Variants in SLC12A6 observed in about 807,000 individuals in gnomAD.
SLC12A6 encodes the protein solute carrier family 12 member 6.
Under a neutral mutation model 135.3 loss-of-function variants are expected in SLC12A6, and 66 were observed. That is an observed-to-expected ratio of 0.49 (90% CI 0.40 to 0.60). SLC12A6 has a LOEUF of 0.60. Among genes scored for constraint, SLC12A6 ranks in the 20% least tolerant of loss-of-function variants. SLC12A6 has a pLI of 0.00. For synonymous variants in SLC12A6, 513 were observed against 508.8 expected, an observed-to-expected ratio of 1.01 and a Z score of -0.11; for missense variants, 1,058 against 1,452.3, an observed-to-expected ratio of 0.73 and a Z score of 4.41.
Position 34,260,923 on chromosome 15 carries a change from T to A in SLC12A6, c.411+3A>T. On this transcript the variant is annotated splice_donor_region_variant and intron_variant, in intron 4 of 25. Coordinates refer to ENST00000354181, the MANE Select transcript of SLC12A6 (RefSeq NM_001365088.1). The stretch of plus-strand genomic sequence containing the variant: ...CAGTCCATAGTTTTCTCCAAAATAT[T>A]ACCTCAAAGAGTGCCAAATTTTTAT... 1 of 1,193,148 alleles carries A rather than the reference T, an allele frequency of 8.4e-7. No homozygotes were observed. Among genetic ancestry groups the A allele is most frequent in the Non-Finnish European group, 1.3e-6 (1 of 795,792 alleles). 73.9% of individuals were successfully genotyped at this position (1,193,148 alleles called of 1,614,324 possible).
chr15:34,277,009 G>A (rs1223019353), intron 2 of SLC12A6, among the ~76,000 whole-genome samples: 1 of 150,034 alleles, frequency 6.7e-6, no homozygotes, highest in Admixed American at 6.6e-5. Flanking sequence ...TTATTTTCAG[G>A]GGATTTTTTT....
At position 34,235,191 on chromosome 15, in the gene SLC12A6, A is replaced by C. The variant is rs1203572173; in HGVS notation, c.3351T>G (p.Gly1117=). 1.9e-6 allele frequency: 3 copies of C among 1,613,768 alleles called. No homozygotes were observed. The highest frequency in any genetic ancestry group is 2.5e-6 in the Non-Finnish European group (3 of 1,179,862). Reference sequence around the variant, plus strand: ...TCTTGGAAAGGATACAGTTTTCATCACCCTCAGGGTTTCGGGGTGGCCCTG... The same window carrying C: ...TCTTGGAAAGGATACAGTTTTCATCCCCCTCAGGGTTTCGGGGTGGCCCTG... ...NMPGPPRNPE[G]DENYMEFLEV... is the part of the protein sequence containing the mutation. The change falls in exon 25 of 26, where the codon GGT becomes GGG. Residue 1117 remains glycine, a synonymous_variant. Transcript: ENST00000354181.
chr15:34,254,539 C>G lies in SLC12A6; in HGVS notation c.927G>C (p.Lys309Asn). ...TGTTATTTAGCATGGCTGCTGATTCCTTGAGTGCGTCATCACTGTGAAAGA... is the reference window on the plus strand; with the variant it reads ...TGTTATTTAGCATGGCTGCTGATTCGTTGAGTGCGTCATCACTGTGAAAGA... ...AAIFHSDDALKESAAMLNNMR... is the reference protein window; with the variant it reads ...AAIFHSDDALNESAAMLNNMR... The change falls in exon 9 of 26, where the codon AAG becomes AAC. Residue 309 changes from lysine (K) to asparagine (N), a missense_variant. Transcript: ENST00000354181. The G allele has an allele frequency of 6.2e-7, 1 of 1,610,716 alleles. No homozygotes were observed. The highest frequency in any genetic ancestry group is 1.1e-5 in the South Asian group (1 of 91,016).
At chr15:34,320,789 C>T (rs552960526) in intron 2 of SLC12A6, among the ~76,000 whole-genome samples, 4 of 143,176 alleles carry the variant, frequency 2.8e-5, no homozygotes, top group South Asian at 2.3e-4. Context: ...TGGTGGCGGG[C>T]GCCTGTAGTT....
Position 34,250,667 on chromosome 15 carries a change from C to T in SLC12A6, c.1555G>A (p.Gly519Ser), listed in dbSNP as rs756979365. 2 of 1,604,070 alleles carry T rather than the reference C, an allele frequency of 1.2e-6. No homozygotes were observed. The highest frequency in any genetic ancestry group is 1.7e-6 in the Non-Finnish European group (2 of 1,170,934). Residue 519 changes from glycine to serine, a missense_variant, in exon 12 of 26, where the codon GGT becomes AGT. This residue lies in a region of SLC12A6 where 297 missense variants were observed against 318.5 expected (regional missense o/e 0.93). Transcript: ENST00000354181. ...LKDAQKSIPI[G>S]TILAILTTSF... ...GTGGTCAGGATGGCAAGGATAGTACCAATCGGAATAGACTTCTGAGCATCT... is the reference window on the plus strand; with the variant it reads ...GTGGTCAGGATGGCAAGGATAGTACTAATCGGAATAGACTTCTGAGCATCT...
chr15:34,238,435 CT>C, intron 20 of SLC12A6, 34 bp from the exon 21 acceptor site: 2 of 1,561,080 alleles, frequency 1.3e-6, no homozygotes, highest in African/African-American at 1.4e-5. Context: ...GAGAAGAATC[CT>C]TAGGCTTGCC....
chr15:34,294,830 C>T (rs1473802996), intron 2 of SLC12A6, among the ~76,000 whole-genome samples: 1 of 151,568 alleles, frequency 6.6e-6, no homozygotes, highest in Non-Finnish European at 1.5e-5. Context: ...GCTAGGATTA[C>T]AGGCATGAGC....
At chr15:34,318,326 C>G (rs1339394127) in intron 2 of SLC12A6, among the ~76,000 whole-genome samples, 1 of 152,194 alleles carries the variant, frequency 6.6e-6, no homozygotes, top group East Asian at 1.9e-4. Flanking sequence ...GCCACTGATT[C>G]AGTTTCACCT....
chr15:34,290,590 T>A (rs1490829700), intron 2 of SLC12A6, among the ~76,000 whole-genome samples: 1 of 152,160 alleles, frequency 6.6e-6, no homozygotes, highest in Non-Finnish European at 1.5e-5. Context: ...AAGTCTCCCA[T>A]TGTTACTGTG....
intron 22 of SLC12A6, chr15:34,237,212 G>T: frequency 2.0e-6 from 1 of 510,642 alleles, no homozygotes; most frequent in Non-Finnish European, 3.5e-6. Flanking sequence ...AAACAAGAAA[G>T]CAAAACCAAA....
At chr15:34,262,391 T>A (rs890936910) in intron 3 of SLC12A6, among the ~76,000 whole-genome samples, 6 of 152,060 alleles carry the variant, frequency 3.9e-5, no homozygotes, top group African/African-American at 1.2e-4. Flanking sequence ...TTCTCATCAT[T>A]CAATAAAATT....
intron 19 of SLC12A6, among the ~76,000 whole-genome samples, chr15:34,239,710 G>A (rs991938063): frequency 2.6e-5 from 4 of 151,066 alleles, no homozygotes; most frequent in Non-Finnish European, 4.4e-5. Flanking sequence ...CCTTTATTTA[G>A]TCAAACCAAT....
intron 2 of SLC12A6, among the ~76,000 whole-genome samples, chr15:34,319,301 A>G (rs368168861): frequency 1.3e-5 from 2 of 150,034 alleles, no homozygotes; most frequent in Non-Finnish European, 3.0e-5. Context: ...ATGCCCAGCT[A>G]ATTTTTTTTT....
intron 2 of SLC12A6, among the ~76,000 whole-genome samples, chr15:34,307,943 C>T (rs1566858115): frequency 6.6e-6 from 1 of 152,080 alleles, no homozygotes; most frequent in Non-Finnish European, 1.5e-5. Flanking sequence ...TCTAATTTAC[C>T]ATATGAGGCT....
chr15:34,284,030 G>T (rs1894866362), intron 2 of SLC12A6, among the ~76,000 whole-genome samples: 1 of 151,458 alleles, frequency 6.6e-6, no homozygotes, highest in Admixed American at 6.6e-5. Flanking sequence ...TTACAGGTGT[G>T]AGCCACCACA....
intron 1 of SLC12A6, chr15:34,336,988 C>T (rs1890242835): frequency 2.5e-6 from 1 of 400,198 alleles, no homozygotes; most frequent in Non-Finnish European, 4.7e-6. Context: ...ACCTAGCTAA[C>T]CCCTCTGGTC....
intron 2 of SLC12A6, among the ~76,000 whole-genome samples, chr15:34,293,094 G>A (rs958542604): frequency 6.6e-6 from 1 of 152,146 alleles, no homozygotes; most frequent in Non-Finnish European, 1.5e-5. Flanking sequence ...CATCTTCTGT[G>A]TCAATCTTGC....
intron 16 of SLC12A6, 62 bp downstream of exon 16, chr15:34,243,912 T>C: frequency 1.0e-6 from 1 of 1,001,540 alleles, no homozygotes; most frequent in South Asian, 1.3e-5. Flanking sequence ...TCTCCTAGTT[T>C]TCTAGTTCAA....
chr15:34,323,173 C>T (rs1889234952), intron 2 of SLC12A6, among the ~76,000 whole-genome samples: 1 of 151,890 alleles, frequency 6.6e-6, no homozygotes, highest in Non-Finnish European at 1.5e-5. Flanking sequence ...TTCCCTACGC[C>T]TCAATAATAT....
Sources: gnomAD v4.1 joint callset for allele counts (sites outside exome capture counted in the v4.1 genomes callset) on GRCh38, gnomAD v4.1.1 for gene constraint, gnomAD v4.1.1 regional missense constraint, MANE v1.5 for transcripts, NCBI Gene and HGNC (gene_info 2026-07-23, HGNC 2026-07-21) for gene names.